HSD17B12: variants seen among roughly 807,000 people sequenced by gnomAD.
The protein encoded by HSD17B12 is very-long-chain 3-oxoacyl-CoA reductase.
Under a neutral mutation model 39.3 loss-of-function variants are expected in HSD17B12, and 32 were observed. The observed-to-expected ratio is 0.81, with a 90% confidence interval of 0.61 to 1.09. HSD17B12 has a LOEUF of 1.09. Ranked by LOEUF, HSD17B12 falls within the 50% of genes least tolerant of loss-of-function variation. HSD17B12 has a pLI of 0.00. For missense variants in HSD17B12, 342 were observed against 382.9 expected (o/e 0.89, Z 0.89); for synonymous variants, 150 against 146.7 (o/e 1.02, Z -0.16).
chr11:43,690,036 C>A (rs908088810), intron 1 of HSD17B12, among the ~76,000 whole-genome samples: 9 of 152,008 alleles, frequency 5.9e-5, no homozygotes, highest in Non-Finnish European at 1.2e-4. Flanking sequence ...TGTGACTGAC[C>A]CTTCTTACTC....
At position 43,730,806 on chromosome 11, in the gene HSD17B12, G is replaced by C. The variant is rs184592655; in HGVS notation, c.161-20105G>C. Reference sequence around the variant, plus strand: ...ATATTTAATCCTTAAAGAAAAGGTAGTTATTCACCAGGAGACTCTGGCCCA... The same window carrying C: ...ATATTTAATCCTTAAAGAAAAGGTACTTATTCACCAGGAGACTCTGGCCCA... On this transcript the variant is annotated intron_variant, in intron 1 of 10. Coordinates refer to ENST00000278353, the MANE Select transcript of HSD17B12 (RefSeq NM_016142.3). Among the ~76,000 whole-genome samples the C allele has an allele frequency of 3.9e-5, 6 of 152,236 alleles. No homozygotes were observed. In the South Asian group the frequency reaches 1.2e-3, roughly 32 times the overall value.
Position 43,854,805 on chromosome 11 carries a change from G to A in HSD17B12, c.775G>A (p.Ala259Thr). The A allele has an allele frequency of 6.2e-7, 1 of 1,614,184 alleles. No individual in the cohort carries two copies. The highest frequency in any genetic ancestry group is 1.3e-5 in the African/African-American group (1 of 75,044). ...CTCTCCGGAGACGTTTGTGAAGTCT[G>A]CAATTAAAACAGTCGGCCTGCAATC... is the stretch of plus-strand genomic sequence containing the variant. ...KPSPETFVKS[A>T]IKTVGLQSRT... Residue 259 changes from alanine to threonine, a missense_variant, in exon 10 of 11, where the codon GCA becomes ACA. Physicochemically the swap from Ala to Thr is moderately conservative, Grantham distance 58. Transcript: ENST00000278353.
At chr11:43,807,322 C>T (rs1951028691) in intron 4 of HSD17B12, among the ~76,000 whole-genome samples, 1 of 152,094 alleles carries the variant, frequency 6.6e-6, no homozygotes, top group Non-Finnish European at 1.5e-5. Flanking sequence ...AAGTGGAAAC[C>T]TGAAGGCTGA....
chr11:43,851,640 C>T (rs1385771322), intron 9 of HSD17B12, among the ~76,000 whole-genome samples: 2 of 152,130 alleles, frequency 1.3e-5, no homozygotes, highest in Non-Finnish European at 2.9e-5. Context: ...TGGAAAGAGA[C>T]CCCAGTACTC....
At chr11:43,609,820 T>TC in the HSD17B12 span, among the ~76,000 whole-genome samples, 3 of 152,190 alleles carry the variant, frequency 2.0e-5, no homozygotes, top group Non-Finnish European at 4.4e-5. Context: ...GTTTCCCCAT[T>TC]TGTAAGATGA....
chr11:43,581,907 T>C, the HSD17B12 span, among the ~76,000 whole-genome samples: 5 of 152,242 alleles, frequency 3.3e-5, no homozygotes, highest in African/African-American at 1.2e-4. This position sits in a 1 kb window ranked among gnomAD's most constrained non-coding sequence, Gnocchi z 4.9. Context: ...GTGGTCATTT[T>C]TGACCGTAAT....
the HSD17B12 span, among the ~76,000 whole-genome samples, chr11:43,666,484 C>T: frequency 2.0e-5 from 3 of 152,040 alleles, no homozygotes; most frequent in South Asian, 2.1e-4. Flanking sequence ...GGACTGCAGG[C>T]GCACACCACC....
the HSD17B12 span, among the ~76,000 whole-genome samples, chr11:43,581,649 T>G: frequency 6.6e-6 from 1 of 152,114 alleles, no homozygotes; most frequent in African/African-American, 2.4e-5. The surrounding 1 kb of genome is among the most constrained non-coding windows in gnomAD (Gnocchi z 4.9). Context: ...CTGTCTTCCC[T>G]CCGAGCGAGT....
intron 9 of HSD17B12, among the ~76,000 whole-genome samples, chr11:43,846,800 G>A (rs1222759032): frequency 6.6e-6 from 1 of 152,224 alleles, no homozygotes; most frequent in Non-Finnish European, 1.5e-5. Context: ...CAGTCCCTGT[G>A]CTGAAGGCAC....
chr11:43,616,411 A>AAAAAAG, the HSD17B12 span, among the ~76,000 whole-genome samples: 1 of 138,856 alleles, frequency 7.2e-6, no homozygotes, highest in Non-Finnish European at 1.6e-5. Flanking sequence ...TCCATCTAAA[A>AAAAAAG]AAAAAACAAA....
At chr11:43,601,011 A>AT in the HSD17B12 span, among the ~76,000 whole-genome samples, 18 of 150,098 alleles carry the variant, frequency 1.2e-4, no homozygotes, top group Non-Finnish European at 2.4e-4. Context: ...ATATACATAT[A>AT]TTTTTTTCAA....
chr11:43,838,405 A>T lies in HSD17B12; in HGVS notation c.618+7A>T. ...CATCTATTCTGCAACCAAGGTAAAA[A>T]ATATTTTCTTAAATCATGTCAATAT... On this transcript the variant is annotated splice_region_variant and intron_variant, in intron 8 of 10. Transcript: ENST00000278353. The T allele has an allele frequency of 6.3e-7, 1 of 1,597,978 alleles. No individual in the cohort carries two copies. Among genetic ancestry groups the T allele is most frequent in the Non-Finnish European group, 8.6e-7 (1 of 1,165,588 alleles).
chr11:43,621,008 G>T, the HSD17B12 span, among the ~76,000 whole-genome samples: 10 of 152,302 alleles, frequency 6.6e-5, no homozygotes, highest in Admixed American at 5.2e-4. Context: ...ACAATATCAA[G>T]TTAATTTTAC....
intron 3 of HSD17B12, among the ~76,000 whole-genome samples, chr11:43,767,561 A>G (rs1950606516): frequency 6.6e-6 from 1 of 152,196 alleles, no homozygotes; most frequent in South Asian, 2.1e-4. Context: ...TTATTTTGCC[A>G]TTATTTATTA....
chr11:43,620,870 C>G, the HSD17B12 span, among the ~76,000 whole-genome samples: 2 of 152,200 alleles, frequency 1.3e-5, no homozygotes. Flanking sequence ...TCAGCCTTAA[C>G]TCCCAGGAAC....
Position 43,815,444 on chromosome 11 carries a change from C to T in HSD17B12, c.399C>T (p.Asn133=), listed in dbSNP as rs200141941. ...AGLEIGILVN[N]VGMSYEYPEY... is the part of the protein sequence containing the mutation. Reference sequence around the variant, plus strand: ...CATCTTGTTCTATTTCAGTGAACAACGTGGGAATGTCGTATGAGTATCCTG... The same window carrying T: ...CATCTTGTTCTATTTCAGTGAACAATGTGGGAATGTCGTATGAGTATCCTG... Residue 133 remains asparagine (N), a synonymous_variant, in exon 5 of 11, where the codon AAC becomes AAT. Coordinates refer to ENST00000278353, the MANE Select transcript of HSD17B12 (RefSeq NM_016142.3). 66 of 1,564,268 alleles carry T rather than the reference C, an allele frequency of 4.2e-5. No individual in the cohort carries two copies. Among genetic ancestry groups the T allele is most frequent in the Non-Finnish European group, 4.6e-5 (53 of 1,144,696 alleles).
At chr11:43,666,044 C>A in the HSD17B12 span, among the ~76,000 whole-genome samples, 612 of 152,204 alleles carry the variant, frequency 4.0e-3, 3 homozygotes, top group East Asian at 0.03. Context: ...ACCTGGCTCA[C>A]TTTTAAATTA....
chr11:43,767,051 G>T (rs1367384206), intron 3 of HSD17B12, among the ~76,000 whole-genome samples: 1 of 152,122 alleles, frequency 6.6e-6, no homozygotes, highest in Non-Finnish European at 1.5e-5. Context: ...GAATGTTGCT[G>T]TTCTACAGCT....
the HSD17B12 span, among the ~76,000 whole-genome samples, chr11:43,589,372 G>A: frequency 6.6e-6 from 1 of 152,192 alleles, no homozygotes; most frequent in Admixed American, 6.5e-5. Context: ...TAGGAAGAAT[G>A]TGATATGGTC....
Sources: gnomAD v4.1 joint callset for allele counts (sites outside exome capture counted in the v4.1 genomes callset) on GRCh38, gnomAD v4.1.1 for gene constraint, Gnocchi (gnomAD v3.1) non-coding constraint, MANE v1.5 for transcripts, NCBI Gene and HGNC (gene_info 2026-07-23, HGNC 2026-07-21) for gene names.